EPO: variants seen among roughly 807,000 people sequenced by gnomAD.
EPO encodes erythropoietin, also known as epoetin.
Under a neutral mutation model 24.4 loss-of-function variants are expected in EPO, and 12 were observed. The observed-to-expected ratio is 0.49, with a 90% CI of 0.32 to 0.80. The LOEUF is 0.80. Among genes scored for constraint, EPO ranks in the 30% least tolerant of loss-of-function variants. EPO has a pLI of 0.04. For missense variants in EPO, 210 were observed against 238.0 expected (o/e 0.88, Z 0.77); for synonymous variants, 107 against 104.0 (o/e 1.03, Z -0.18).
chr7:100,723,003 C>T lies in EPO; in HGVS notation c.452C>T (p.Ala151Val), dbSNP rs370232752. The change falls in exon 5 of 5, where the codon GCG (alanine) becomes GTG (valine). Residue 151 changes from alanine (A) to valine (V), a missense_variant. Transcript: ENST00000252723. ...AAGGAAGCCATCTCCCCTCCAGATG[C>T]GGCCTCAGCTGCTCCACTCCGAACA... Reference protein sequence around the residue: ...AQKEAISPPDAASAAPLRTIT... With the variant: ...AQKEAISPPDVASAAPLRTIT... 1.7e-5 allele frequency: 28 copies of T among 1,613,918 alleles called. No homozygotes were observed. In the African/African-American group the frequency reaches 2.9e-4, roughly 17 times the overall value.
At position 100,721,570 on chromosome 7, in the gene EPO, G is replaced by C. The variant is rs1806740291; in HGVS notation, c.26G>C (p.Trp9Ser). 6.2e-7 allele frequency: 1 copy of C among 1,613,986 alleles called. No individual in the cohort carries two copies. The highest frequency in any genetic ancestry group is 2.2e-5 in the East Asian group (1 of 44,888). Reference sequence around the variant, plus strand: ...CTATCTGTTCTAGAATGTCCTGCCTGGCTGTGGCTTCTCCTGTCCCTGCTG... The same window carrying C: ...CTATCTGTTCTAGAATGTCCTGCCTCGCTGTGGCTTCTCCTGTCCCTGCTG... MGVHECPA[W>S]LWLLLSLLSL... The change falls in exon 2 of 5, where the codon TGG becomes TCG. Residue 9 changes from tryptophan (W) to serine (S), a missense_variant. Physicochemically the swap from Trp to Ser is radical, Grantham distance 177 (BLOSUM62 -3). Transcript: ENST00000252723. This position sits in a 1 kb window ranked among gnomAD's most constrained non-coding sequence, Gnocchi z 4.0.
chr7:100,723,143 T>C lies in EPO; in HGVS notation c.*10T>C, dbSNP rs1326697927. 2 of 1,611,850 alleles carry C rather than the reference T, an allele frequency of 1.2e-6. No individual in the cohort carries two copies. The highest frequency in any genetic ancestry group is 2.2e-5 in the East Asian group (1 of 44,826). ...GACAGGGGACAGATGACCAGGTGTG[T>C]CCACCTGGGCATATCCACCACCTCC... On this transcript the variant is annotated 3_prime_UTR_variant, in exon 5 of 5. Transcript: ENST00000252723.
At chr7:100,722,920 G>C in intron 4 of EPO, 58 bp from the exon 5 acceptor site, 1 of 1,609,470 alleles carries the variant, frequency 6.2e-7, no homozygotes, top group Non-Finnish European at 8.5e-7. Flanking sequence ...TACAGGAACT[G>C]TCCGTATTCC....
chr7:100,721,815 C>A lies in EPO; in HGVS notation c.159+112C>A. 1.3e-6 allele frequency: 2 copies of A among 1,500,636 alleles called. No homozygotes were observed. Among genetic ancestry groups the A allele is most frequent in the South Asian group, 1.3e-5 (1 of 77,136 alleles). The allele number at this position is 1,500,636 out of a possible 1,614,324, so 93.0% of individuals were successfully genotyped here. ...TTTGGGGTGGAGTTGGGAAGCTAGACACTGCCCCCCTACATAAGAATAAGT... is the reference window on the plus strand; with the variant it reads ...TTTGGGGTGGAGTTGGGAAGCTAGAAACTGCCCCCCTACATAAGAATAAGT... On this transcript the variant is annotated intron_variant, in intron 2 of 4. Transcript: ENST00000252723. This position sits in a 1 kb window ranked among gnomAD's most constrained non-coding sequence, Gnocchi z 4.0.
rs1806766545 is a variant in EPO, at chr7:100,722,779, A to T, written c.362A>T (p.His121Leu). The change falls in exon 4 of 5, where the codon CAT (histidine) becomes CTT (leucine). Residue 121 changes from histidine to leucine, a missense_variant. Transcript: ENST00000252723. ...CAGCCGTGGGAGCCCCTGCAGCTGC[A>T]TGTGGATAAAGCCGTCAGTGGCCTT... ...SSQPWEPLQL[H>L]VDKAVSGLRS... The T allele has an allele frequency of 1.9e-6, 3 of 1,614,054 alleles. No homozygotes were observed. Among genetic ancestry groups the T allele is most frequent in the Non-Finnish European group, 2.5e-6 (3 of 1,179,982 alleles).
Position 100,720,798 on chromosome 7 carries a change from C to A in EPO, c.-183C>A. 1 of 635,722 alleles carries A rather than the reference C, an allele frequency of 1.6e-6. No individual in the cohort carries two copies. Among genetic ancestry groups the A allele is most frequent in the Non-Finnish European group, 2.3e-6 (1 of 428,300 alleles). 39.4% of individuals were successfully genotyped at this position (635,722 alleles called of 1,614,324 possible). ...CTGCGCTGCGCCGCACCGCGCTGTC[C>A]TCCCGGAGCCGGACCGGGGCCACCG... On this transcript the variant is annotated 5_prime_UTR_variant, in exon 1 of 5. Coordinates refer to ENST00000252723, the MANE Select transcript of EPO (RefSeq NM_000799.4).
Position 100,720,936 on chromosome 7 carries a change from C to A in EPO, c.-45C>A. ...GGGATGAGGGCCCCCGGTGTGGTCA[C>A]CCGGCGCGCCCCAGGTCGCTGAGGG... is the stretch of plus-strand genomic sequence containing the variant. On this transcript the variant is annotated 5_prime_UTR_variant, in exon 1 of 5. Coordinates refer to ENST00000252723, the MANE Select transcript of EPO (RefSeq NM_000799.4). 2 of 1,538,910 alleles carry A rather than the reference C, an allele frequency of 1.3e-6. No homozygotes were observed. Among genetic ancestry groups the A allele is most frequent in the South Asian group, 1.2e-5 (1 of 83,076 alleles).
chr7:100,722,178 G>A, intron 3 of EPO, 130 bp downstream of exon 3: 1 of 827,630 alleles, frequency 1.2e-6, no homozygotes, highest in Non-Finnish European at 1.8e-6. Context: ...CCTGGGCGCA[G>A]AGGCTCACGT....
chr7:100,722,135 G>T (rs1322041841), intron 3 of EPO, 87 bp downstream of exon 3: 1 of 1,288,866 alleles, frequency 7.8e-7, no homozygotes, highest in Non-Finnish European at 1.1e-6. Context: ...ATGATCGAGG[G>T]AAAGGTAAAA....
chr7:100,723,004 G>A lies in EPO; in HGVS notation c.453G>A (p.Ala151=), dbSNP rs78925197. 8.3e-3 allele frequency: 13,418 copies of A among 1,614,034 alleles called. 73 individuals carry two copies. Among genetic ancestry groups the A allele is most frequent in the Admixed American group, 0.018 (1,094 of 59,990 alleles). The part of the protein sequence containing the change: ...AQKEAISPPD[A]ASAAPLRTIT... ...AGGAAGCCATCTCCCCTCCAGATGCGGCCTCAGCTGCTCCACTCCGAACAA... is the reference window on the plus strand; with the variant it reads ...AGGAAGCCATCTCCCCTCCAGATGCAGCCTCAGCTGCTCCACTCCGAACAA... The change falls in exon 5 of 5, where the codon GCG becomes GCA. Residue 151 remains alanine, a synonymous_variant. Transcript: ENST00000252723.
chr7:100,720,875 GGCCCGTGGGGCTGGCCCTGCACC>G lies in EPO; in HGVS notation c.-102_-80del. 1.5e-6 allele frequency: 2 copies of G among 1,348,586 alleles called. No homozygotes were observed. Among genetic ancestry groups the G allele is most frequent in the Non-Finnish European group, 1.9e-6 (2 of 1,039,726 alleles). 83.5% of individuals were successfully genotyped at this position (1,348,586 alleles called of 1,614,324 possible). On this transcript the variant is annotated 5_prime_UTR_variant, in exon 1 of 5. An upstream open reading frame in the 5' UTR gains an earlier in-frame stop. Coordinates refer to ENST00000252723, the MANE Select transcript of EPO (RefSeq NM_000799.4). ...CCCTGGACAGCCGCCCTCTCCTCCAGGCCCGTGGGGCTGGCCCTGCACCGCCGAGCTTCCCGGGATGAGGGCCC... is the reference window on the plus strand; with the variant it reads ...CCCTGGACAGCCGCCCTCTCCTCCAGGCCGAGCTTCCCGGGATGAGGGCCC...
chr7:100,723,241 C>A lies in EPO; in HGVS notation c.*108C>A. 1 of 1,319,448 alleles carries A rather than the reference C, an allele frequency of 7.6e-7. No homozygotes were observed. Among genetic ancestry groups the A allele is most frequent in the East Asian group, 2.3e-5 (1 of 42,604 alleles). The allele number at this position is 1,319,448 out of a possible 1,614,324, so 81.7% of individuals were successfully genotyped here. On this transcript the variant is annotated 3_prime_UTR_variant, in exon 5 of 5. Coordinates refer to ENST00000252723, the MANE Select transcript of EPO (RefSeq NM_000799.4). ...CCGTCGAGGGGCTCTCAGCTCAGCGCCAGCCTGTCCCATGGACACTCCAGT... is the reference window on the plus strand; with the variant it reads ...CCGTCGAGGGGCTCTCAGCTCAGCGACAGCCTGTCCCATGGACACTCCAGT...
In EPO at chr7:100,721,700, C is replaced by A; in HGVS notation, c.156C>A (p.Ile52=). ...TGGAGGCCAAGGAGGCCGAGAATAT[C>A]ACGGTGAGACCCCTTCCCCAGCACA... ...YLLEAKEAEN[I]TTGCAEHCSL... The change falls in exon 2 of 5, where the codon ATC becomes ATA. Residue 52 remains isoleucine, a synonymous_variant. Coordinates refer to ENST00000252723, the MANE Select transcript of EPO (RefSeq NM_000799.4). This position sits in a 1 kb window ranked among gnomAD's most constrained non-coding sequence, Gnocchi z 4.0. The A allele has an allele frequency of 6.2e-7, 1 of 1,608,698 alleles. No individual in the cohort carries two copies. The highest frequency in any genetic ancestry group is 8.5e-7 in the Non-Finnish European group (1 of 1,179,802).
Position 100,723,147 on chromosome 7 carries a change from C to T in EPO, c.*14C>T. 6.2e-7 allele frequency: 1 copy of T among 1,610,426 alleles called. No homozygotes were observed. Among genetic ancestry groups the T allele is most frequent in the Non-Finnish European group, 8.5e-7 (1 of 1,177,808 alleles). On this transcript the variant is annotated 3_prime_UTR_variant, in exon 5 of 5. Coordinates refer to ENST00000252723, the MANE Select transcript of EPO (RefSeq NM_000799.4). ...GGGGACAGATGACCAGGTGTGTCCACCTGGGCATATCCACCACCTCCCTCA... is the reference window on the plus strand; with the variant it reads ...GGGGACAGATGACCAGGTGTGTCCATCTGGGCATATCCACCACCTCCCTCA...
chr7:100,720,853 T>TG lies in EPO; in HGVS notation c.-126dup. 1 of 1,185,174 alleles carries TG rather than the reference T, an allele frequency of 8.4e-7. No homozygotes were observed. The highest frequency in any genetic ancestry group is 1.1e-6 in the Non-Finnish European group (1 of 915,876). The allele number at this position is 1,185,174 out of a possible 1,614,324, so 73.4% of individuals were successfully genotyped here. On this transcript the variant is annotated 5_prime_UTR_variant, in exon 1 of 5. The change creates a premature stop within an existing upstream ORF in the 5' untranslated region. Coordinates refer to ENST00000252723, the MANE Select transcript of EPO (RefSeq NM_000799.4). ...CGCTCTGCTCCGACACCGCGCCCCCTGGACAGCCGCCCTCTCCTCCAGGCC... is the reference window on the plus strand; with the variant it reads ...CGCTCTGCTCCGACACCGCGCCCCCTGGGACAGCCGCCCTCTCCTCCAGGCC...
Position 100,721,873 on chromosome 7 carries a change from C to A in EPO, c.160-89C>A. On this transcript the variant is annotated intron_variant, in intron 2 of 4. Transcript: ENST00000252723. The surrounding 1 kb of genome is among the most constrained non-coding windows in gnomAD (Gnocchi z 4.0). ...CCCCAAACCATACCTGGAAACTAGG[C>A]AAGGAGCAAAGCCAGCAGATCCTAC... 2.6e-6 allele frequency: 4 copies of A among 1,530,908 alleles called. No homozygotes were observed. The highest frequency in any genetic ancestry group is 4.2e-5 in the Admixed American group (2 of 47,748). 94.8% of individuals were successfully genotyped at this position (1,530,908 alleles called of 1,614,324 possible). A position where few individuals can be genotyped will look rare whatever the true frequency, so the allele number is the denominator to read the frequency against.
chr7:100,721,845 T>C lies in EPO; in HGVS notation c.160-117T>C, dbSNP rs1806745437. 1.3e-6 allele frequency: 2 copies of C among 1,507,920 alleles called. No homozygotes were observed. Among genetic ancestry groups the C allele is most frequent in the Admixed American group, 2.1e-5 (1 of 46,834 alleles). 93.4% of individuals were successfully genotyped at this position (1,507,920 alleles called of 1,614,324 possible). Reference sequence around the variant, plus strand: ...CCCCCCTACATAAGAATAAGTCTGGTGGCCCCAAACCATACCTGGAAACTA... The same window carrying C: ...CCCCCCTACATAAGAATAAGTCTGGCGGCCCCAAACCATACCTGGAAACTA... On this transcript the variant is annotated intron_variant, in intron 2 of 4. Transcript: ENST00000252723. This position sits in a 1 kb window ranked among gnomAD's most constrained non-coding sequence, Gnocchi z 4.0.
In EPO at chr7:100,721,096, G is replaced by A. The variant is rs1429755127; in HGVS notation, c.13+103G>A. On this transcript the variant is annotated intron_variant, in intron 1 of 4. Transcript: ENST00000252723. This position sits in a 1 kb window ranked among gnomAD's most constrained non-coding sequence, Gnocchi z 4.0. ...CAGGAGGTGGCTGGGTTCAAGGACC[G>A]GCGACTTGTCAAGGACCCCGGAAGG... 6.5e-6 allele frequency: 7 copies of A among 1,075,716 alleles called. No homozygotes were observed. The highest frequency in any genetic ancestry group is 8.8e-6 in the Non-Finnish European group (7 of 799,842). The allele number at this position is 1,075,716 out of a possible 1,614,324, so 66.6% of individuals were successfully genotyped here.
At chr7:100,722,561 A>T in intron 3 of EPO, 103 bp from the exon 4 acceptor site, 1 of 875,428 alleles carries the variant, frequency 1.1e-6, no homozygotes, top group Non-Finnish European at 1.8e-6. Context: ...AACAAGTCTT[A>T]TTGCATACCT....
Sources: gnomAD v4.1 joint callset for allele counts on GRCh38, gnomAD v4.1.1 for gene constraint, Gnocchi (gnomAD v3.1) non-coding constraint, MANE v1.5 for transcripts, NCBI Gene and HGNC (gene_info 2026-07-23, HGNC 2026-07-21) for gene names.